Variants in BTBD9 observed in about 807,000 individuals in gnomAD.
BTBD9 encodes the protein BTB domain containing 9, also known as BTB/POZ domain-containing protein 9.
A neutral mutation model predicts 64.3 loss-of-function variants in BTBD9; 49 were observed. The observed-to-expected ratio is 0.76, with a 90% CI of 0.61 to 0.97. BTBD9 has a LOEUF of 0.97. Ranked by LOEUF, BTBD9 falls within the 50% of genes least tolerant of loss-of-function variation. The pLI is 0.00. For missense variants in BTBD9, 598 were observed against 762.1 expected, an observed-to-expected ratio of 0.78 and a Z score of 2.53; for synonymous variants, 260 against 274.7, an observed-to-expected ratio of 0.95 and a Z score of 0.53.
intron 8 of BTBD9, among the ~76,000 whole-genome samples, chr6:38,274,340 C>G (rs1765301344): frequency 6.6e-6 from 1 of 152,176 alleles, no homozygotes; most frequent in Non-Finnish European, 1.5e-5. Flanking sequence ...GACAATTTGA[C>G]TTCCTCTTTT....
intron 6 of BTBD9, among the ~76,000 whole-genome samples, chr6:38,405,780 C>T (rs1767134907): frequency 6.6e-6 from 1 of 152,084 alleles, no homozygotes; most frequent in East Asian, 1.9e-4. Context: ...GCCATAAAGC[C>T]TATTTGAGTT....
chr6:38,315,931 G>T (rs1025192075), intron 7 of BTBD9, among the ~76,000 whole-genome samples: 2 of 152,142 alleles, frequency 1.3e-5, no homozygotes, highest in African/African-American at 4.8e-5. Flanking sequence ...AGCTATCATT[G>T]TATTAGAGTC....
intron 6 of BTBD9, among the ~76,000 whole-genome samples, chr6:38,489,515 T>C (rs546292991): frequency 1.3e-5 from 2 of 152,312 alleles, no homozygotes; most frequent in East Asian, 3.9e-4. Flanking sequence ...TTTTTTCACT[T>C]AATGTCAGCA....
chr6:38,297,245 A>G (rs892876373), intron 7 of BTBD9, among the ~76,000 whole-genome samples: 15 of 152,128 alleles, frequency 9.9e-5, no homozygotes, highest in Non-Finnish European at 1.6e-4. Context: ...GCGCACCTGT[A>G]ATCCCAGCTA....
intron 9 of BTBD9, among the ~76,000 whole-genome samples, chr6:38,234,544 T>C (rs1252985235): frequency 6.6e-6 from 1 of 152,242 alleles, no homozygotes; most frequent in Non-Finnish European, 1.5e-5. Context: ...GAAGAAACTT[T>C]AGAAGTAAAT....
At chr6:38,306,827 T>A (rs1762643303) in intron 7 of BTBD9, among the ~76,000 whole-genome samples, 1 of 152,150 alleles carries the variant, frequency 6.6e-6, no homozygotes, top group Non-Finnish European at 1.5e-5. Flanking sequence ...TAAAAGGAAA[T>A]AACACTTAGC....
intron 6 of BTBD9, among the ~76,000 whole-genome samples, chr6:38,379,168 G>C (rs1765823231): frequency 6.6e-6 from 1 of 152,162 alleles, no homozygotes; most frequent in South Asian, 2.1e-4. Flanking sequence ...AAAGCTTGGG[G>C]TCTGAACAGG....
intron 1 of BTBD9, among the ~76,000 whole-genome samples, chr6:38,638,942 T>C (rs903968588): frequency 3.3e-5 from 5 of 152,190 alleles, no homozygotes; most frequent in East Asian, 1.9e-4. Context: ...CACCTTTACA[T>C]GCTGGGTTCT....
At chr6:38,366,166 G>T (rs1299947232) in intron 6 of BTBD9, among the ~76,000 whole-genome samples, 1 of 152,170 alleles carries the variant, frequency 6.6e-6, no homozygotes, top group African/African-American at 2.4e-5. Context: ...TTATCAAAAT[G>T]TAAAGAACTT....
intron 6 of BTBD9, among the ~76,000 whole-genome samples, chr6:38,463,355 G>A (rs1253808799): frequency 6.6e-6 from 1 of 152,132 alleles, no homozygotes; most frequent in African/African-American, 2.4e-5. Flanking sequence ...TTTCTAATTT[G>A]GATGCCTTTT....
At chr6:38,459,225 G>C (rs1769963941) in intron 6 of BTBD9, among the ~76,000 whole-genome samples, 1 of 152,036 alleles carries the variant, frequency 6.6e-6, no homozygotes, top group Non-Finnish European at 1.5e-5. Flanking sequence ...CACCATGTTG[G>C]CCAGGCTGGT....
intron 6 of BTBD9, among the ~76,000 whole-genome samples, chr6:38,561,033 C>A (rs184707254): frequency 6.6e-6 from 1 of 152,174 alleles, no homozygotes; most frequent in Admixed American, 6.5e-5. Context: ...AATAATGCTG[C>A]AATGTACATA....
chr6:38,366,793 T>G (rs1390082317), intron 6 of BTBD9, among the ~76,000 whole-genome samples: 2 of 152,206 alleles, frequency 1.3e-5, no homozygotes, highest in Non-Finnish European at 2.9e-5. Context: ...TTATGGCCAT[T>G]CACTAGGAAT....
intron 1 of BTBD9, among the ~76,000 whole-genome samples, chr6:38,606,002 C>G (rs1777419786): frequency 6.6e-6 from 1 of 152,170 alleles, no homozygotes; most frequent in African/African-American, 2.4e-5. Flanking sequence ...GGAAGGGTAA[C>G]AGCCGACTTG....
At chr6:38,515,518 G>A (rs974039075) in intron 6 of BTBD9, among the ~76,000 whole-genome samples, 1 of 152,088 alleles carries the variant, frequency 6.6e-6, no homozygotes, top group Non-Finnish European at 1.5e-5. Context: ...AGGAACTAAT[G>A]GCATCATGAC....
At chr6:38,354,892 GGAGAGAAAGAGAGAGACA>G (rs996231918) in intron 6 of BTBD9, among the ~76,000 whole-genome samples, 2 of 151,492 alleles carry the variant, frequency 1.3e-5, no homozygotes, top group African/African-American at 2.4e-5. Context: ...AACAATAACA[GGAGAGAAAGAGAGAGACA>G]GAGAGAAAGA....
chr6:38,340,395 G>A (rs1349849423), intron 7 of BTBD9, among the ~76,000 whole-genome samples: 1 of 152,060 alleles, frequency 6.6e-6, no homozygotes, highest in African/African-American at 2.4e-5. Context: ...CAGAAAGCAC[G>A]GAACTATCAA....
At chr6:38,619,504 A>G (rs1395256199) in intron 1 of BTBD9, among the ~76,000 whole-genome samples, 5 of 152,194 alleles carry the variant, frequency 3.3e-5, no homozygotes, top group Non-Finnish European at 7.4e-5. Context: ...CCCCTTGCCC[A>G]TGTCCACTAT....
chr6:38,404,549 A>T (rs1375603001), intron 6 of BTBD9, among the ~76,000 whole-genome samples: 1 of 116,692 alleles, frequency 8.6e-6, no homozygotes, highest in Non-Finnish European at 1.6e-5. Flanking sequence ...AGAGCAAGTC[A>T]ATAAAAAAAA....
Sources: allele counts gnomAD v4.1 joint callset (sites outside exome capture counted in the v4.1 genomes callset), GRCh38; gene constraint gnomAD v4.1.1; transcripts MANE v1.5; gene names NCBI Gene and HGNC (gene_info 2026-07-23, HGNC 2026-07-21).